The following OBP2B variants were observed in gnomAD, a reference collection of about 807,000 sequenced individuals.
OBP2B encodes odorant binding protein 2B.
OBP2B carries 10 observed loss-of-function variants against 21.7 expected under a neutral mutation model. The ratio of observed to expected loss-of-function variants is 0.46; its 90% CI spans 0.28 to 0.78. The LOEUF (loss-of-function observed/expected upper bound fraction) is 0.78, where lower values mean the gene tolerates loss of function less well. OBP2B is among the 30% of genes least tolerant of loss of function. The pLI, the probability that OBP2B is intolerant of heterozygous loss-of-function variation, is 0.11. For synonymous variants in OBP2B, 73 were observed against 91.5 expected, an observed-to-expected ratio of 0.80 and a Z score of 1.16; for missense variants, 153 against 217.7, an observed-to-expected ratio of 0.70 and a Z score of 1.87.
At chr9:133,209,597 G>T (rs1412439468), upstream of OBP2B, among the ~76,000 whole-genome samples, 1 of 152,130 alleles carries the variant, frequency 6.6e-6, no homozygotes, top group Non-Finnish European at 1.5e-5. The surrounding 1 kb of genome is among the most constrained non-coding windows in gnomAD (Gnocchi z 6.0). Flanking sequence ...CAGGGCCACG[G>T]CTGGGACCCT....
Position 133,206,430 on chromosome 9 carries a change from G to A in OBP2B, c.389-14C>T. Reference sequence around the variant, plus strand: ...CAGAATTCCTACCTGCAGGTGAGGTGGCCAGGTGAGCCGACGTGGGGACAG... The same window carrying A: ...CAGAATTCCTACCTGCAGGTGAGGTAGCCAGGTGAGCCGACGTGGGGACAG... On this transcript the variant is annotated splice_polypyrimidine_tract_variant and intron_variant, in intron 4 of 6. Coordinates refer to ENST00000372034, the MANE Select transcript of OBP2B (RefSeq NM_014581.4). 6.2e-7 allele frequency: 1 copy of A among 1,613,338 alleles called. No homozygotes were observed.
upstream of OBP2B, among the ~76,000 whole-genome samples, chr9:133,214,115 A>T (rs1296998470): frequency 1.3e-4 from 20 of 152,248 alleles, no homozygotes; most frequent in Non-Finnish European, 2.6e-4. Flanking sequence ...AAATTACATG[A>T]TCATATCGAT....
At chr9:133,210,465 G>A (rs1408954878), upstream of OBP2B, among the ~76,000 whole-genome samples, 4 of 150,952 alleles carry the variant, frequency 2.6e-5, no homozygotes, top group Non-Finnish European at 4.4e-5. Context: ...TCATCCCCCC[G>A]GGCAGGAAAG....
intron 3 of OBP2B, among the ~76,000 whole-genome samples, chr9:133,207,674 C>G (rs111673963): frequency 1.4e-5 from 2 of 140,086 alleles, no homozygotes; most frequent in East Asian, 4.3e-4. Context: ...CACTAACCCT[C>G]GGCCTCCCCA....
the OBP2B span, among the ~76,000 whole-genome samples, chr9:133,214,807 G>A: frequency 6.6e-6 from 1 of 152,228 alleles, no homozygotes; most frequent in Admixed American, 6.5e-5. Context: ...TTTGAGGCTG[G>A]GATACTCAGT....
upstream of OBP2B, among the ~76,000 whole-genome samples, chr9:133,210,733 C>T (rs1325631946): frequency 6.6e-6 from 1 of 152,210 alleles, no homozygotes; most frequent in Non-Finnish European, 1.5e-5. Context: ...CTCAGTGCGA[C>T]GGGTGCTCTC....
At chr9:133,205,626 A>C in intron 6 of OBP2B, 1 of 607,410 alleles carries the variant, frequency 1.6e-6, no homozygotes, top group Non-Finnish European at 2.9e-6. Flanking sequence ...GGACAGGTGC[A>C]GGGGGCGATG....
chr9:133,208,218 A>G lies in OBP2B; in HGVS notation c.207-15T>C. On this transcript the variant is annotated splice_polypyrimidine_tract_variant and intron_variant, in intron 2 of 6. Transcript: ENST00000372034. ...TATCCTCCCTCCTGGAAAACAGGAGACACGCGGGCAGCGGCTCCCAGGACA... is the reference window on the plus strand; with the variant it reads ...TATCCTCCCTCCTGGAAAACAGGAGGCACGCGGGCAGCGGCTCCCAGGACA... The G allele has an allele frequency of 6.2e-7, 1 of 1,611,638 alleles. No homozygotes were observed. The highest frequency in any genetic ancestry group is 1.3e-5 in the African/African-American group (1 of 74,942).
chr9:133,220,047 T>C, the OBP2B span, among the ~76,000 whole-genome samples: 5 of 152,194 alleles, frequency 3.3e-5, no homozygotes, highest in East Asian at 3.8e-4. Context: ...TCCATTTCTA[T>C]GAAGTGTCCA....
At chr9:133,213,198 C>T (rs554693195), upstream of OBP2B, among the ~76,000 whole-genome samples, 2 of 152,258 alleles carry the variant, frequency 1.3e-5, no homozygotes, top group East Asian at 1.9e-4. Context: ...CAAGATAGTG[C>T]CACTGCACTC....
upstream of OBP2B, among the ~76,000 whole-genome samples, chr9:133,211,258 C>G (rs576025349): frequency 6.6e-6 from 1 of 152,234 alleles, no homozygotes; most frequent in South Asian, 2.1e-4. Context: ...GCAAGACCAA[C>G]TGCACAGTAG....
At chr9:133,217,299 C>T in the OBP2B span, among the ~76,000 whole-genome samples, 1 of 152,136 alleles carries the variant, frequency 6.6e-6, no homozygotes, top group Non-Finnish European at 1.5e-5. Context: ...AATTGCAGTG[C>T]CAGCTATCAA....
At chr9:133,209,580 A>T (rs1407264048), upstream of OBP2B, among the ~76,000 whole-genome samples, 2 of 151,934 alleles carry the variant, frequency 1.3e-5, no homozygotes, top group Admixed American at 1.3e-4. The surrounding 1 kb of genome is among the most constrained non-coding windows in gnomAD (Gnocchi z 6.0). Flanking sequence ...CAACCCCTGC[A>T]CCCTCCCAGG....
chr9:133,223,133 C>T, the OBP2B span, among the ~76,000 whole-genome samples: 2 of 152,312 alleles, frequency 1.3e-5, no homozygotes, highest in Non-Finnish European at 2.9e-5. This position sits in a 1 kb window ranked among gnomAD's most constrained non-coding sequence, Gnocchi z 4.4. Context: ...CAGATGGCTT[C>T]CAGGACTGGC....
At chr9:133,217,710 A>G in the OBP2B span, among the ~76,000 whole-genome samples, 13 of 152,010 alleles carry the variant, frequency 8.6e-5, no homozygotes, top group South Asian at 2.1e-4. Context: ...CCCAGCCTAC[A>G]TTTCCCTGCC....
the OBP2B span, among the ~76,000 whole-genome samples, chr9:133,220,262 T>G: frequency 6.6e-6 from 1 of 152,212 alleles, no homozygotes; most frequent in Admixed American, 6.5e-5. Flanking sequence ...TATGATGGCA[T>G]GTGGAATATA....
chr9:133,209,847 C>A (rs369822691), upstream of OBP2B, among the ~76,000 whole-genome samples: 1 of 152,140 alleles, frequency 6.6e-6, no homozygotes, highest in East Asian at 1.9e-4. The surrounding 1 kb of genome is among the most constrained non-coding windows in gnomAD (Gnocchi z 6.0). Context: ...ACGGCCTCCT[C>A]GGGCCATATG....
the OBP2B span, among the ~76,000 whole-genome samples, chr9:133,223,182 G>T: frequency 6.6e-6 from 1 of 152,200 alleles, no homozygotes; most frequent in Non-Finnish European, 1.5e-5. The surrounding 1 kb of genome is among the most constrained non-coding windows in gnomAD (Gnocchi z 4.4). Flanking sequence ...GGGCTGGGAC[G>T]CCAGGATGGC....
upstream of OBP2B, chr9:133,209,372 C>T (rs1833862174): frequency 1.3e-6 from 1 of 754,068 alleles, no homozygotes; most frequent in Admixed American, 2.4e-5. The surrounding 1 kb of genome is among the most constrained non-coding windows in gnomAD (Gnocchi z 6.0). Flanking sequence ...GGGGGAGTGT[C>T]CTCATTGCTG....
Sources: gnomAD v4.1 joint callset for allele counts (sites outside exome capture counted in the v4.1 genomes callset) on GRCh38, gnomAD v4.1.1 for gene constraint, Gnocchi (gnomAD v3.1) non-coding constraint, MANE v1.5 for transcripts, NCBI Gene and HGNC (gene_info 2026-07-23, HGNC 2026-07-21) for gene names.